Variants in DHRS1 observed in about 807,000 individuals in gnomAD.
DHRS1 encodes the protein dehydrogenase/reductase 1, also known as dehydrogenase/reductase SDR family member 1.
DHRS1 carries 34 observed loss-of-function variants against 35.2 expected under a neutral mutation model. The ratio of observed to expected loss-of-function variants is 0.97; its 90% CI spans 0.74 to 1.29. The LOEUF is 1.29. Ranked by LOEUF, DHRS1 falls within the 50% of genes most tolerant of loss-of-function variation. DHRS1 has a pLI of 0.00. For missense variants in DHRS1, 354 were observed against 403.6 expected, an observed-to-expected ratio of 0.88 and a Z score of 1.05; for synonymous variants, 133 against 160.0, an observed-to-expected ratio of 0.83 and a Z score of 1.27.
chr14:24,296,417 G>C, intron 4 of DHRS1, 92 bp downstream of exon 4: 1 of 1,250,998 alleles, frequency 8.0e-7, no homozygotes, highest in African/African-American at 1.5e-5. Flanking sequence ...GGGGAGGCCG[G>C]AGGGAAAAGG....
At chr14:24,294,389 A>C (rs1566403242) in intron 4 of DHRS1, 1 of 152,176 alleles carries the variant, frequency 6.6e-6, no homozygotes, top group Non-Finnish European at 1.5e-5. Context: ...GGAGTTCGAG[A>C]CCAGCCCAGC....
chr14:24,294,809 T>C (rs2041220781), intron 4 of DHRS1, among the ~76,000 whole-genome samples: 1 of 152,022 alleles, frequency 6.6e-6, no homozygotes. Context: ...ACCTGACAAA[T>C]AGTGGAAGAA....
At chr14:24,297,516 T>A (rs1459850350) in intron 2 of DHRS1, among the ~76,000 whole-genome samples, 2 of 152,222 alleles carry the variant, frequency 1.3e-5, no homozygotes, top group Admixed American at 1.3e-4. Context: ...CCTCCTTGCC[T>A]GAACTACTGC....
intron 4 of DHRS1, 72 bp downstream of exon 4, chr14:24,296,437 G>T: frequency 6.9e-7 from 1 of 1,446,008 alleles, no homozygotes; most frequent in Non-Finnish European, 9.7e-7. Context: ...GAGAGGGCAT[G>T]TAAGGAAAGG....
rs370901991 is a variant in DHRS1 at position 24,292,720 on chromosome 14, C to T, written c.439G>A (p.Val147Met). 25 of 1,614,068 alleles carry T rather than the reference C, an allele frequency of 1.5e-5. No individual in the cohort carries two copies. Among genetic ancestry groups the T allele is most frequent in the Middle Eastern group, 3.3e-4 (2 of 6,084 alleles). Residue 147 changes from valine (V) to methionine (M), a missense_variant, in exon 5 of 9, where the codon GTG becomes ATG. By Grantham distance (21) the Val-to-Met change is conservative (BLOSUM62 1). Coordinates refer to ENST00000288111, the MANE Select transcript of DHRS1 (RefSeq NM_001136050.3). The stretch of plus-strand genomic sequence containing the variant: ...AGGCTTCCTGGGGAGGAGATGACCA[C>T]GATGAGCCCCTGGCCAGCTGGTACC... ...LMVPAGQGLI[V>M]VISSPGSLQY...
chr14:24,290,999 G>A lies in DHRS1; in HGVS notation c.806-4C>T, dbSNP rs1388348887. ...AAATAGTCTTGGACGGGGCGGCCTG[G>A]GAACAACAGGAGGAGGAGGATTAGA... On this transcript the variant is annotated splice_polypyrimidine_tract_variant and splice_region_variant and intron_variant, in intron 8 of 8. Transcript: ENST00000288111. 1.9e-6 allele frequency: 3 copies of A among 1,614,078 alleles called. No individual in the cohort carries two copies. Among genetic ancestry groups the A allele is most frequent in the Non-Finnish European group, 2.5e-6 (3 of 1,179,996 alleles).
At position 24,292,768 on chromosome 14, in the gene DHRS1, A is replaced by T. The variant is rs779886891; in HGVS notation, c.391T>A (p.Ser131Thr). 3 of 1,612,436 alleles carry T rather than the reference A, an allele frequency of 1.9e-6. No homozygotes were observed. The East Asian group carries it at 6.7e-5, about 36-fold the overall frequency. The change falls in exon 5 of 9, where the codon TCA (serine) becomes ACA (threonine). Residue 131 changes from serine to threonine, a missense_variant. By Grantham distance (58) the Ser-to-Thr change is moderately conservative. Transcript: ENST00000288111. ...ACCATCAGCCGTGCCCCATACACTG[A>T]GCAAAAGTAGTGGCCTCTAGAAGGT... ...NVGLRGHYFC[S>T]VYGARLMVPA...
intron 4 of DHRS1, 148 bp downstream of exon 4, chr14:24,296,361 C>T (rs149933900): frequency 0.011 from 8,449 of 761,226 alleles, 161 homozygotes; most frequent in South Asian, 0.024. Flanking sequence ...GGAACTTCTC[C>T]AGAGGTAAGT....
chr14:24,290,643 A>T lies in DHRS1; in HGVS notation c.*216T>A, dbSNP rs2041141437. 5 of 540,550 alleles carry T rather than the reference A, an allele frequency of 9.2e-6. No individual in the cohort carries two copies. In the East Asian group the frequency reaches 1.6e-4, roughly 17 times the overall value. 33.5% of individuals were successfully genotyped at this position (540,550 alleles called of 1,614,324 possible). On this transcript the variant is annotated 3_prime_UTR_variant, in exon 9 of 9. Coordinates refer to ENST00000288111, the MANE Select transcript of DHRS1 (RefSeq NM_001136050.3). ...TTATTAGCTCCAAGAGCATTTTTCAATACTAAGGCAAAAAGTAAAAAGAAG... is the reference window on the plus strand; with the variant it reads ...TTATTAGCTCCAAGAGCATTTTTCATTACTAAGGCAAAAAGTAAAAAGAAG...
rs1000065403 is a variant in DHRS1, at chr14:24,290,706, G to GCACCCCAGAACT, written c.*141_*152dup. ...CAAGGCACAAAGAAGGGACCTAGGC[G>GCACCCCAGAACT]CACCCCAGAACTCACCACGGACACA... On this transcript the variant is annotated 3_prime_UTR_variant, in exon 9 of 9. Transcript: ENST00000288111. The GCACCCCAGAACT allele has an allele frequency of 1.1e-6, 1 of 882,724 alleles. No individual in the cohort carries two copies. The highest frequency in any genetic ancestry group is 1.7e-6 in the Non-Finnish European group (1 of 578,414). 54.7% of individuals were successfully genotyped at this position (882,724 alleles called of 1,614,324 possible). A position where few individuals can be genotyped will look rare whatever the true frequency, so the allele number is the denominator to read the frequency against.
Position 24,299,131 on chromosome 14 carries a change from C to T in DHRS1, c.-24-1G>A. On this transcript the variant is annotated splice_acceptor_variant, in intron 1 of 8. Transcript: ENST00000288111. LOFTEE classifies it low-confidence loss of function (5UTR_SPLICE). ...TGACTCACAGGCAAAGGAGGCAGGTCTGTGGAAGCAAAGACTTACTCTGAG... is the reference window on the plus strand; with the variant it reads ...TGACTCACAGGCAAAGGAGGCAGGTTTGTGGAAGCAAAGACTTACTCTGAG... 1.2e-6 allele frequency: 2 copies of T among 1,602,996 alleles called. No individual in the cohort carries two copies. Among genetic ancestry groups the T allele is most frequent in the South Asian group, 1.1e-5 (1 of 90,598 alleles).
chr14:24,297,697 C>T (rs2041276662), intron 2 of DHRS1, among the ~76,000 whole-genome samples: 1 of 152,194 alleles, frequency 6.6e-6, no homozygotes, highest in Admixed American at 6.5e-5. Context: ...TTCCAAGACC[C>T]ACTCTTTCCT....
intron 4 of DHRS1, among the ~76,000 whole-genome samples, chr14:24,295,572 T>C (rs2041235652): frequency 6.6e-6 from 1 of 152,194 alleles, no homozygotes; most frequent in Admixed American, 6.5e-5. Flanking sequence ...GGTCTGGGCC[T>C]CTGCCTTGAA....
intron 4 of DHRS1, chr14:24,294,410 A>C (rs2041212490): frequency 6.6e-6 from 1 of 152,134 alleles, no homozygotes; most frequent in Admixed American, 6.5e-5. Flanking sequence ...CAACACGGTG[A>C]AACCCCGTTC....
intron 5 of DHRS1, 42 bp from the exon 6 acceptor site, chr14:24,292,372 G>T: frequency 6.2e-7 from 1 of 1,610,756 alleles, no homozygotes; most frequent in Non-Finnish European, 8.5e-7. Context: ...ACCTAGCCAT[G>T]TCACTTTCCT....
At chr14:24,291,847 C>A (rs1410556446) in intron 6 of DHRS1, 2 of 617,682 alleles carry the variant, frequency 3.2e-6, no homozygotes, top group Non-Finnish European at 5.7e-6. Flanking sequence ...GCTGTCTTTG[C>A]TAAGTGGAAG....
chr14:24,296,650 A>G, intron 3 of DHRS1, 62 bp from the exon 4 acceptor site: 1 of 1,613,474 alleles, frequency 6.2e-7, no homozygotes, highest in Non-Finnish European at 8.5e-7. Flanking sequence ...GGGCTGGGTA[A>G]TGGAAGGGAC....
At position 24,292,801 on chromosome 14, in the gene DHRS1, G is replaced by A. The variant is rs1322022442; in HGVS notation, c.375-17C>T. The A allele has an allele frequency of 1.9e-6, 3 of 1,607,362 alleles. No individual in the cohort carries two copies. The highest frequency in any genetic ancestry group is 1.1e-5 in the South Asian group (1 of 90,392). Reference sequence around the variant, plus strand: ...TAGTGGCCTCTAGAAGGTGGGGCAAGGGAAGAAGGAATGAACCGTGTTAGT... The same window carrying A: ...TAGTGGCCTCTAGAAGGTGGGGCAAAGGAAGAAGGAATGAACCGTGTTAGT... On this transcript the variant is annotated splice_polypyrimidine_tract_variant and intron_variant, in intron 4 of 8. Coordinates refer to ENST00000288111, the MANE Select transcript of DHRS1 (RefSeq NM_001136050.3).
chr14:24,292,088 G>GT (rs1216312757), intron 6 of DHRS1, 96 bp downstream of exon 6: 1 of 1,487,976 alleles, frequency 6.7e-7, no homozygotes, highest in East Asian at 2.3e-5. Context: ...ACCTGCCACA[G>GT]TAAGCACCTG....
Sources: allele counts gnomAD v4.1 joint callset (sites outside exome capture counted in the v4.1 genomes callset), GRCh38; gene constraint gnomAD v4.1.1; transcripts MANE v1.5; gene names NCBI Gene and HGNC (gene_info 2026-07-23, HGNC 2026-07-21).